Variants in MARCHF1 observed in about 807,000 individuals in gnomAD.
The protein encoded by MARCHF1 is E3 ubiquitin-protein ligase MARCHF1.
In MARCHF1, 40 loss-of-function variants were observed where a neutral mutation model predicts 54.2. The observed-to-expected ratio is 0.74, with a 90% CI of 0.57 to 0.96. MARCHF1 has a LOEUF of 0.96. Among genes scored for constraint, MARCHF1 ranks in the 40% least tolerant of loss-of-function variants. The pLI, the probability that MARCHF1 is intolerant of heterozygous loss-of-function variation, is 0.00. For missense variants in MARCHF1, 586 were observed against 656.5 expected (o/e 0.89, Z 1.17); for synonymous variants, 236 against 236.3 (o/e 1.00, Z 0.01).
At chr4:163,805,604 G>C (rs1384661621) in intron 4 of MARCHF1, among the ~76,000 whole-genome samples, 1 of 152,164 alleles carries the variant, frequency 6.6e-6, no homozygotes, top group Non-Finnish European at 1.5e-5. Flanking sequence ...CTGAATGAAA[G>C]TAAACATGTG....
At chr4:164,317,612 C>T (rs1735033663) in intron 1 of MARCHF1, among the ~76,000 whole-genome samples, 1 of 152,110 alleles carries the variant, frequency 6.6e-6, no homozygotes, top group South Asian at 2.1e-4. Flanking sequence ...CTGGGTCATT[C>T]CTAAGAGGGA....
intron 2 of MARCHF1, among the ~76,000 whole-genome samples, chr4:164,095,581 A>G (rs1438862361): frequency 6.6e-6 from 1 of 152,152 alleles, no homozygotes; most frequent in Non-Finnish European, 1.5e-5. Flanking sequence ...ATACTATAAC[A>G]TAATACAATT....
intron 4 of MARCHF1, among the ~76,000 whole-genome samples, chr4:163,748,715 G>A (rs1406630035): frequency 2.0e-5 from 3 of 152,198 alleles, no homozygotes; most frequent in Admixed American, 1.3e-4. Context: ...TGAGCAGTGT[G>A]GCTGCACACA....
intron 3 of MARCHF1, among the ~76,000 whole-genome samples, chr4:163,906,249 C>G (rs1751064381): frequency 6.6e-6 from 1 of 151,928 alleles, no homozygotes; most frequent in African/African-American, 2.4e-5. Context: ...TCTCTGCTCA[C>G]AGAGAATTAA....
intron 1 of MARCHF1, among the ~76,000 whole-genome samples, chr4:164,114,189 A>G (rs1159720509): frequency 1.3e-5 from 2 of 152,024 alleles, no homozygotes; most frequent in Non-Finnish European, 2.9e-5. Flanking sequence ...TCCATATATC[A>G]ATAAATGAAA....
At chr4:163,772,458 C>T (rs1747188991) in intron 4 of MARCHF1, among the ~76,000 whole-genome samples, 1 of 152,160 alleles carries the variant, frequency 6.6e-6, no homozygotes. Context: ...TGTCAGCTAG[C>T]TTGTCTGGAG....
intron 8 of MARCHF1, among the ~76,000 whole-genome samples, chr4:163,547,863 G>A (rs577844855): frequency 6.6e-6 from 1 of 152,224 alleles, no homozygotes; most frequent in East Asian, 1.9e-4. Context: ...AATTTTCCTT[G>A]AAGGAGTTTG....
chr4:164,148,976 C>T (rs1308343947), intron 1 of MARCHF1, among the ~76,000 whole-genome samples: 1 of 152,070 alleles, frequency 6.6e-6, no homozygotes, highest in East Asian at 1.9e-4. Flanking sequence ...TGGAGGTGGG[C>T]CTAATGGCAG....
intron 2 of MARCHF1, among the ~76,000 whole-genome samples, chr4:164,039,007 G>T (rs914849047): frequency 2.0e-5 from 3 of 152,016 alleles, no homozygotes; most frequent in African/African-American, 4.8e-5. Context: ...AACACTTAAA[G>T]AAAAATCATT....
chr4:163,964,534 A>G (rs1752405143), intron 3 of MARCHF1, among the ~76,000 whole-genome samples: 1 of 152,008 alleles, frequency 6.6e-6, no homozygotes, highest in African/African-American at 2.4e-5. Flanking sequence ...TGATGCTGGC[A>G]CTGTAGGTCA....
intron 1 of MARCHF1, among the ~76,000 whole-genome samples, chr4:164,186,200 G>T (rs1560944457): frequency 6.6e-6 from 1 of 152,084 alleles, no homozygotes; most frequent in Non-Finnish European, 1.5e-5. Flanking sequence ...GCCAATTTCT[G>T]GTTTTAATAA....
chr4:164,265,976 C>G (rs1172914335), intron 1 of MARCHF1, among the ~76,000 whole-genome samples: 1 of 152,170 alleles, frequency 6.6e-6, no homozygotes, highest in Non-Finnish European at 1.5e-5. Flanking sequence ...TTGTTTAACA[C>G]TTGTTTTCAC....
At position 163,881,936 on chromosome 4, in the gene MARCHF1, G is replaced by T. The variant is rs531158993; in HGVS notation, c.-38-27767C>A. Among the ~76,000 whole-genome samples the T allele has an allele frequency of 2.2e-4, 33 of 152,228 alleles. No homozygotes were observed. In the East Asian group the frequency reaches 6.4e-3, roughly 29 times the overall value. On this transcript the variant is annotated intron_variant, in intron 3 of 9. Transcript: ENST00000514618. ...AAGTGCCACAAAGATAAAATATTTT[G>T]ATTATGAGGCTACCCTAGTGAAAAC... is the stretch of plus-strand genomic sequence containing the variant.
chr4:164,308,699 T>C (rs1026444644), intron 1 of MARCHF1, among the ~76,000 whole-genome samples: 2 of 152,044 alleles, frequency 1.3e-5, no homozygotes, highest in South Asian at 2.1e-4. Flanking sequence ...GAAACAATGT[T>C]AGAGAAAAAT....
chr4:164,009,877 TG>T (rs1361649891), intron 2 of MARCHF1, among the ~76,000 whole-genome samples: 2 of 152,090 alleles, frequency 1.3e-5, no homozygotes, highest in African/African-American at 2.4e-5. Context: ...TTTTAAGGTT[TG>T]GAAAAATACA....
At chr4:163,573,920 G>T (rs1166744733) in intron 8 of MARCHF1, among the ~76,000 whole-genome samples, 5 of 149,722 alleles carry the variant, frequency 3.3e-5, no homozygotes, top group Non-Finnish European at 7.5e-5. Flanking sequence ...CTAGTTTACA[G>T]TCCCACCAAC....
rs977329386 is a variant in MARCHF1, at chr4:163,574,666, TG to T, written c.1191+11082del. Among the ~76,000 whole-genome samples, 20 of 151,866 alleles carry T rather than the reference TG, an allele frequency of 1.3e-4. 1 individual carries two copies. Among genetic ancestry groups the T allele is most frequent in the African/African-American group, 4.6e-4 (19 of 41,298 alleles). On this transcript the variant is annotated intron_variant, in intron 8 of 9. Transcript: ENST00000514618. ...TTCTGAGGGCTCTGTTCTGTTCCAT[TG>T]ATCTATATCTCTGTTTTGGTACCAG...
intron 1 of MARCHF1, among the ~76,000 whole-genome samples, chr4:164,270,584 T>G (rs1733722155): frequency 2.6e-5 from 4 of 152,212 alleles, no homozygotes. Flanking sequence ...ATCCCAGAAA[T>G]TCAAGCTTGT....
In MARCHF1 at chr4:164,116,542, G is replaced by T. The variant is rs60705610; in HGVS notation, c.-322-4880C>A. The stretch of plus-strand genomic sequence containing the variant: ...AAGCAGGCCACAGTCTCTAGTTTCT[G>T]TTCCAAGAGTTTTGTTGTCTAATAC... On this transcript the variant is annotated intron_variant, in intron 1 of 9. Coordinates refer to ENST00000514618, the MANE Select transcript of MARCHF1 (RefSeq NM_001394959.1). Among the ~76,000 whole-genome samples the T allele has an allele frequency of 5.7e-3, 863 of 152,178 alleles. 21 individuals are homozygous for T. Among genetic ancestry groups the T allele is most frequent in the African/African-American group, 0.02 (834 of 41,508 alleles).
Sources: allele counts gnomAD v4.1 joint callset (sites outside exome capture counted in the v4.1 genomes callset), GRCh38; gene constraint gnomAD v4.1.1; transcripts MANE v1.5; gene names NCBI Gene and HGNC (gene_info 2026-07-23, HGNC 2026-07-21).